WWOX: variants seen among roughly 807,000 people sequenced by gnomAD.
WWOX encodes the protein WW domain containing oxidoreductase.
In WWOX, 69 loss-of-function variants were observed where a neutral mutation model predicts 46.2. The ratio of observed to expected loss-of-function variants is 1.49; its 90% confidence interval spans 1.23 to 1.82. The LOEUF (loss-of-function observed/expected upper bound fraction) is 1.82, where lower values mean the gene tolerates loss of function less well. Ranked by LOEUF, WWOX falls within the 40% of genes most tolerant of loss-of-function variation. The pLI, the probability that WWOX is intolerant of heterozygous loss-of-function variation, is 0.00. For missense variants in WWOX, 919 were observed against 542.6 expected, an observed-to-expected ratio of 1.69 and a Z score of -6.89; for synonymous variants, 359 against 202.6, an observed-to-expected ratio of 1.77 and a Z score of -6.56.
chr16:78,586,026 C>A (rs890941238), intron 8 of WWOX, among the ~76,000 whole-genome samples: 1 of 151,618 alleles, frequency 6.6e-6, no homozygotes, highest in African/African-American at 2.4e-5. Flanking sequence ...AGCAAGATGT[C>A]ATCTCTACCA....
At chr16:78,696,799 T>A (rs1430774110) in intron 8 of WWOX, among the ~76,000 whole-genome samples, 1 of 151,688 alleles carries the variant, frequency 6.6e-6, no homozygotes, top group Non-Finnish European at 1.5e-5. Context: ...TTGTACTCCT[T>A]TATGCCTCAC....
At chr16:78,822,706 C>T (rs956694870) in intron 8 of WWOX, among the ~76,000 whole-genome samples, 2 of 152,214 alleles carry the variant, frequency 1.3e-5, no homozygotes, top group African/African-American at 2.4e-5. Flanking sequence ...TTTTATGCAA[C>T]ATCATCATTG....
At chr16:78,965,605 C>T (rs1490529255) in intron 8 of WWOX, among the ~76,000 whole-genome samples, 2 of 151,900 alleles carry the variant, frequency 1.3e-5, no homozygotes, top group African/African-American at 2.4e-5. Flanking sequence ...TTCAGATACA[C>T]AGTCTAATGC....
chr16:78,171,737 A>G (rs1204238423), intron 5 of WWOX, among the ~76,000 whole-genome samples: 3 of 152,290 alleles, frequency 2.0e-5, no homozygotes, highest in South Asian at 2.1e-4. Context: ...GTTTTTCTGT[A>G]TAGTATTGGA....
At chr16:78,527,862 G>T (rs2043515013) in intron 8 of WWOX, among the ~76,000 whole-genome samples, 1 of 151,866 alleles carries the variant, frequency 6.6e-6, no homozygotes, top group South Asian at 2.1e-4. Flanking sequence ...AAAGGCCAGG[G>T]ATAGTGCTAA....
chr16:78,400,191 G>T (rs1372044739), intron 6 of WWOX, among the ~76,000 whole-genome samples: 1 of 152,142 alleles, frequency 6.6e-6, no homozygotes, highest in Non-Finnish European at 1.5e-5. Flanking sequence ...AAAGATATTT[G>T]AGCTGATATT....
chr16:78,154,481 T>C (rs2034528132), intron 4 of WWOX, among the ~76,000 whole-genome samples: 1 of 132,014 alleles, frequency 7.6e-6, no homozygotes, highest in South Asian at 2.5e-4. Context: ...CCCCAATCCT[T>C]GATCTTTTTT....
intron 8 of WWOX, among the ~76,000 whole-genome samples, chr16:78,594,841 G>T (rs906012969): frequency 3.3e-5 from 5 of 152,114 alleles, no homozygotes; most frequent in Non-Finnish European, 1.5e-5. Context: ...CATTTTCATA[G>T]TTTCTCTGTT....
intron 8 of WWOX, among the ~76,000 whole-genome samples, chr16:78,464,521 A>G (rs1280170563): frequency 6.6e-6 from 1 of 152,148 alleles, no homozygotes; most frequent in Non-Finnish European, 1.5e-5. Context: ...ACCATGTGCC[A>G]TATTTCCTTG....
intron 8 of WWOX, among the ~76,000 whole-genome samples, chr16:78,722,998 C>T (rs1325893277): frequency 6.6e-6 from 1 of 152,088 alleles, no homozygotes; most frequent in African/African-American, 2.4e-5. Flanking sequence ...GCCATGATCA[C>T]ACTGGAGCAC....
chr16:78,857,442 C>T (rs2052592849), intron 8 of WWOX, among the ~76,000 whole-genome samples: 1 of 151,990 alleles, frequency 6.6e-6, no homozygotes, highest in Non-Finnish European at 1.5e-5. Flanking sequence ...ACCTTTTTTT[C>T]CATGATGCAT....
intron 8 of WWOX, among the ~76,000 whole-genome samples, chr16:78,860,498 AAAAAG>A (rs141693658): frequency 0.04 from 6,067 of 152,278 alleles, 151 homozygotes; most frequent in Non-Finnish European, 0.058. Flanking sequence ...CATTCAAAGA[AAAAAG>A]AAGGAAAAAA....
chr16:78,237,073 CAA>C (rs35866443), intron 5 of WWOX, among the ~76,000 whole-genome samples: 39 of 80,806 alleles, frequency 4.8e-4, no homozygotes, highest in Middle Eastern at 7.0e-3. Context: ...GACTCCGTCT[CAA>C]AAAAAAAAAA....
intron 5 of WWOX, among the ~76,000 whole-genome samples, chr16:78,230,563 C>T (rs2037225275): frequency 6.6e-6 from 1 of 152,226 alleles, no homozygotes; most frequent in African/African-American, 2.4e-5. Flanking sequence ...TTCAAGTTAA[C>T]TTAAGTGGTT....
At chr16:78,886,228 C>CT (rs34466755) in intron 8 of WWOX, among the ~76,000 whole-genome samples, 56,978 of 142,822 alleles carry the variant, frequency 0.4, 11,921 homozygotes, top group Non-Finnish European at 0.48. Flanking sequence ...CCTGACTGTA[C>CT]TTTTTTTTTT....
chr16:78,559,026 T>A (rs1416108710), intron 8 of WWOX, among the ~76,000 whole-genome samples: 1 of 152,174 alleles, frequency 6.6e-6, no homozygotes, highest in Non-Finnish European at 1.5e-5. Context: ...ATCCACGGCA[T>A]CCACACAAGA....
intron 8 of WWOX, among the ~76,000 whole-genome samples, chr16:79,197,325 G>A (rs1333521141): frequency 6.6e-6 from 1 of 152,196 alleles, no homozygotes; most frequent in Non-Finnish European, 1.5e-5. Flanking sequence ...CCAAGGGACT[G>A]CTAGAACTGG....
chr16:79,094,700 T>C (rs534662913), intron 8 of WWOX, among the ~76,000 whole-genome samples: 4 of 152,270 alleles, frequency 2.6e-5, no homozygotes, highest in South Asian at 4.1e-4. Flanking sequence ...CAAGGATACA[T>C]ATATAAACTT....
At chr16:78,780,373 G>C (rs1209784949) in intron 8 of WWOX, 2 of 151,252 alleles carry the variant, frequency 1.3e-5, no homozygotes, top group East Asian at 3.9e-4. Context: ...TTCATTCACT[G>C]GTTAATTAAT....
Sources: allele counts gnomAD v4.1 joint callset (sites outside exome capture counted in the v4.1 genomes callset), GRCh38; gene constraint gnomAD v4.1.1; transcripts MANE v1.5; gene names NCBI Gene and HGNC (gene_info 2026-07-23, HGNC 2026-07-21).